The following PTK2 variants were observed in gnomAD, a reference collection of about 807,000 sequenced individuals.
PTK2 encodes the protein focal adhesion kinase 1.
A neutral mutation model predicts 150.1 loss-of-function variants in PTK2; 45 were observed. The ratio of observed to expected loss-of-function variants is 0.30; its 90% CI spans 0.24 to 0.38. PTK2 has a LOEUF of 0.38. Ranked by LOEUF, PTK2 falls within the 10% of genes least tolerant of loss-of-function variation. The pLI, the probability that PTK2 is intolerant of heterozygous loss-of-function variation, is 1.00. For missense variants in PTK2, 919 were observed against 1,307.3 expected (o/e 0.70, Z 4.58); for synonymous variants, 432 against 449.2 (o/e 0.96, Z 0.48).
At chr8:140,884,636 A>G (rs746403568) in intron 3 of PTK2, among the ~76,000 whole-genome samples, 5 of 152,142 alleles carry the variant, frequency 3.3e-5, no homozygotes, top group Non-Finnish European at 7.4e-5. Flanking sequence ...GCACCTACCT[A>G]TGGCCAAACT....
At chr8:140,725,335 G>GT (rs1217190354) in intron 22 of PTK2, among the ~76,000 whole-genome samples, 1 of 152,158 alleles carries the variant, frequency 6.6e-6, no homozygotes, top group Non-Finnish European at 1.5e-5. Context: ...TTTCTGCTAC[G>GT]TGTGAGTAGC....
chr8:140,783,872 C>A (rs1778016315), intron 14 of PTK2, among the ~76,000 whole-genome samples: 1 of 152,076 alleles, frequency 6.6e-6, no homozygotes, highest in South Asian at 2.1e-4. Context: ...AAAAGTATCA[C>A]AAAGGGCCAG....
intron 31 of PTK2, chr8:140,660,469 A>G (rs1466472645): frequency 5.0e-6 from 2 of 397,988 alleles, no homozygotes; most frequent in East Asian, 1.5e-4. Flanking sequence ...CTCCTGTACA[A>G]TTTCAGCACT....
intron 1 of PTK2, among the ~76,000 whole-genome samples, chr8:140,959,660 T>C (rs911641019): frequency 5.3e-5 from 8 of 151,770 alleles, no homozygotes; most frequent in African/African-American, 1.9e-4. Flanking sequence ...TATATGAGTA[T>C]CACCAAGGGA....
chr8:140,762,945 T>A (rs373892470), intron 15 of PTK2, among the ~76,000 whole-genome samples: 9 of 152,166 alleles, frequency 5.9e-5, no homozygotes, highest in East Asian at 3.8e-4. Context: ...CACGCCTGCC[T>A]AATTTATTTT....
intron 27 of PTK2, among the ~76,000 whole-genome samples, chr8:140,678,327 C>T (rs1290177773): frequency 6.6e-6 from 1 of 152,018 alleles, no homozygotes; most frequent in East Asian, 1.9e-4. Context: ...GGATTACAGG[C>T]GTGAGCCACT....
intron 7 of PTK2, among the ~76,000 whole-genome samples, chr8:140,837,028 C>T (rs192480797): frequency 9.2e-5 from 14 of 152,286 alleles, no homozygotes; most frequent in Admixed American, 4.6e-4. Context: ...AATTTTAACA[C>T]TGTATTGGTT....
chr8:140,917,314 C>T (rs2154608161), intron 2 of PTK2, among the ~76,000 whole-genome samples: 1 of 151,818 alleles, frequency 6.6e-6, no homozygotes, highest in Non-Finnish European at 1.5e-5. Context: ...CTTGAACCAG[C>T]CTGGGCGACA....
upstream of PTK2, chr8:141,001,391 G>C (rs1479236368): frequency 6.6e-6 from 1 of 150,852 alleles, no homozygotes; most frequent in African/African-American, 2.4e-5. Context: ...CCGCCTCTCG[G>C]GGGGACTGGG....
intron 14 of PTK2, among the ~76,000 whole-genome samples, chr8:140,781,159 A>G (rs988025926): frequency 6.6e-6 from 1 of 152,200 alleles, no homozygotes; most frequent in African/African-American, 2.4e-5. Flanking sequence ...TCTAGAATTT[A>G]TATTTTAAAC....
chr8:140,724,240 T>C (rs2100044548), intron 22 of PTK2, among the ~76,000 whole-genome samples: 2 of 152,180 alleles, frequency 1.3e-5, no homozygotes, highest in African/African-American at 4.8e-5. Context: ...ACCCTAACTA[T>C]TGTTAGAATG....
intron 1 of PTK2, among the ~76,000 whole-genome samples, chr8:140,928,078 C>T (rs751168493): frequency 7.6e-5 from 11 of 144,854 alleles, no homozygotes; most frequent in Non-Finnish European, 1.5e-4. Context: ...AATAAGACAG[C>T]TTTTCTTCTT....
intron 1 of PTK2, among the ~76,000 whole-genome samples, chr8:140,992,109 T>C (rs1055237010): frequency 1.3e-5 from 2 of 151,852 alleles, no homozygotes; most frequent in African/African-American, 4.8e-5. Flanking sequence ...CTGGCCAACA[T>C]GGTGAAACCC....
intron 3 of PTK2, among the ~76,000 whole-genome samples, chr8:140,880,180 T>A (rs536502312): frequency 6.6e-6 from 1 of 152,352 alleles, no homozygotes; most frequent in South Asian, 2.1e-4. Flanking sequence ...GTTCTTTGAA[T>A]TCGGGCCTAA....
chr8:140,820,053 AGGAGT>A (rs1281886133), intron 8 of PTK2, among the ~76,000 whole-genome samples: 1 of 121,124 alleles, frequency 8.3e-6, no homozygotes, highest in Non-Finnish European at 1.6e-5. Context: ...CTTTGAGAAG[AGGAGT>A]GACTTTATCT....
At chr8:140,933,945 A>G (rs370959653) in intron 1 of PTK2, among the ~76,000 whole-genome samples, 3 of 152,122 alleles carry the variant, frequency 2.0e-5, no homozygotes, top group East Asian at 3.8e-4. Context: ...CACGAGGAAG[A>G]TAAGGAAAAG....
intron 4 of PTK2, among the ~76,000 whole-genome samples, chr8:140,868,211 T>C (rs140255260): frequency 0.011 from 1,644 of 152,276 alleles, 16 homozygotes; most frequent in Middle Eastern, 0.017. Flanking sequence ...AAGAATATGA[T>C]AGTCCTGATA....
chr8:140,930,313 C>T (rs2100171241), intron 1 of PTK2, among the ~76,000 whole-genome samples: 1 of 152,122 alleles, frequency 6.6e-6, no homozygotes, highest in South Asian at 2.1e-4. Context: ...TAAGGCAGCT[C>T]CCAGTCCTAA....
At chr8:140,924,424 G>A (rs1309951780) in intron 2 of PTK2, among the ~76,000 whole-genome samples, 3 of 152,054 alleles carry the variant, frequency 2.0e-5, no homozygotes, top group South Asian at 2.1e-4. Flanking sequence ...TGCAAGCTCC[G>A]TGACAGAAGG....
Sources: allele counts gnomAD v4.1 joint callset (sites outside exome capture counted in the v4.1 genomes callset), GRCh38; gene constraint gnomAD v4.1.1; transcripts MANE v1.5; gene names NCBI Gene and HGNC (gene_info 2026-07-23, HGNC 2026-07-21).